Variants in WWTR1 observed in about 807,000 individuals in gnomAD.
WWTR1 encodes the protein WW domain containing transcription regulator 1, also known as WW domain-containing transcription regulator protein 1.
Under a neutral mutation model 40.1 loss-of-function variants are expected in WWTR1, and 13 were observed. The ratio of observed to expected loss-of-function variants is 0.32; its 90% CI spans 0.21 to 0.52. The LOEUF (loss-of-function observed/expected upper bound fraction) is 0.52, where lower values mean the gene tolerates loss of function less well. Ranked by LOEUF, WWTR1 falls within the 20% of genes least tolerant of loss-of-function variation. The probability of loss-of-function intolerance (pLI) is 0.97; values close to 1 mark genes in which losing one functional copy is unlikely to be tolerated. For missense variants in WWTR1, 436 were observed against 523.1 expected, an observed-to-expected ratio of 0.83 and a Z score of 1.63; for synonymous variants, 230 against 210.1, an observed-to-expected ratio of 1.09 and a Z score of -0.82.
At chr3:149,640,451 C>T (rs960710077) in intron 2 of WWTR1, among the ~76,000 whole-genome samples, 1 of 152,060 alleles carries the variant, frequency 6.6e-6, no homozygotes, top group Non-Finnish European at 1.5e-5. Context: ...AACAGAGTTT[C>T]GCTCTGCCCC....
intron 2 of WWTR1, among the ~76,000 whole-genome samples, chr3:149,647,791 A>T (rs917206271): frequency 6.6e-6 from 1 of 152,230 alleles, no homozygotes; most frequent in Non-Finnish European, 1.5e-5. Flanking sequence ...CATAGGTGAC[A>T]ATGGTGGGGT....
intron 5 of WWTR1, among the ~76,000 whole-genome samples, chr3:149,710,579 C>A (rs796540823): frequency 5.8e-5 from 5 of 86,580 alleles, no homozygotes; most frequent in Admixed American, 1.1e-4. Flanking sequence ...CTCCCCCCCC[C>A]CCCTTTTTTT....
intron 1 of WWTR1, among the ~76,000 whole-genome samples, chr3:149,689,410 G>GA (rs1714750891): frequency 2.4e-5 from 2 of 83,082 alleles, no homozygotes; most frequent in African/African-American, 4.0e-5. Flanking sequence ...AAGCAAAGAA[G>GA]ACAGAAAAAA....
At chr3:149,620,501 C>T (rs191730612) in intron 2 of WWTR1, among the ~76,000 whole-genome samples, 1 of 151,946 alleles carries the variant, frequency 6.6e-6, no homozygotes, top group Non-Finnish European at 1.5e-5. Flanking sequence ...GTTCCAAGTG[C>T]CTTAAGGAAG....
chr3:149,642,822 A>C (rs145586838), intron 2 of WWTR1, among the ~76,000 whole-genome samples: 253 of 152,230 alleles, frequency 1.7e-3, no homozygotes, highest in African/African-American at 5.8e-3. Flanking sequence ...TTGCATATGC[A>C]TAGGGTTATA....
chr3:149,581,925 G>T (rs985935071), intron 2 of WWTR1, among the ~76,000 whole-genome samples: 2 of 152,172 alleles, frequency 1.3e-5, no homozygotes, highest in African/African-American at 2.4e-5. Context: ...GTCAAGCAAA[G>T]CTGCTGTCAG....
At chr3:149,570,763 T>C (rs1737580248) in intron 3 of WWTR1, among the ~76,000 whole-genome samples, 1 of 152,188 alleles carries the variant, frequency 6.6e-6, no homozygotes, top group Non-Finnish European at 1.5e-5. Flanking sequence ...TGTATGCACA[T>C]ACAGGCAGAC....
chr3:149,614,552 C>A (rs1739878593), intron 2 of WWTR1, among the ~76,000 whole-genome samples: 1 of 152,196 alleles, frequency 6.6e-6, no homozygotes, highest in African/African-American at 2.4e-5. Context: ...GGCAATAGCA[C>A]TGATGAATAA....
chr3:149,525,944 T>C (rs1303837549), intron 6 of WWTR1, 69 bp downstream of exon 6: 21 of 869,342 alleles, frequency 2.4e-5, no homozygotes, highest in Non-Finnish European at 3.0e-5. Context: ...AAAAATAAAA[T>C]TGAGATAACC....
chr3:149,609,933 A>C (rs904363730), intron 2 of WWTR1, among the ~76,000 whole-genome samples: 3 of 152,238 alleles, frequency 2.0e-5, no homozygotes, highest in African/African-American at 7.2e-5. Context: ...AGTGAAATTA[A>C]AAGCAATTCT....
At chr3:149,540,090 A>G in intron 4 of WWTR1, 1 of 325,990 alleles carries the variant, frequency 3.1e-6, no homozygotes, top group Non-Finnish European at 6.0e-6. Context: ...ACACACACAC[A>G]CACACACACA....
At chr3:149,530,512 T>C (rs539255479) in intron 4 of WWTR1, among the ~76,000 whole-genome samples, 27 of 151,802 alleles carry the variant, frequency 1.8e-4, no homozygotes, top group African/African-American at 6.5e-4. Flanking sequence ...AGAACAAATA[T>C]CAAAAATTAG....
intron 2 of WWTR1, among the ~76,000 whole-genome samples, chr3:149,636,883 G>A (rs950062453): frequency 7.3e-6 from 1 of 137,088 alleles, no homozygotes. Context: ...AGAATCACTT[G>A]AACCCAGGGG....
At chr3:149,564,288 T>C (rs577076121) in intron 3 of WWTR1, among the ~76,000 whole-genome samples, 2 of 152,264 alleles carry the variant, frequency 1.3e-5, no homozygotes, top group South Asian at 2.1e-4. Context: ...TAGTGGTAGA[T>C]CTGGACCACG....
At chr3:149,601,712 T>TA (rs921470020) in intron 2 of WWTR1, among the ~76,000 whole-genome samples, 9 of 12,616 alleles carry the variant, frequency 7.1e-4, no homozygotes, top group South Asian at 7.4e-3. Flanking sequence ...AAAAAATTAT[T>TA]TTTTTTTTTT....
intron 6 of WWTR1, among the ~76,000 whole-genome samples, chr3:149,521,428 TG>T (rs1443836849): frequency 2.0e-5 from 3 of 152,228 alleles, no homozygotes; most frequent in Non-Finnish European, 2.9e-5. Flanking sequence ...ATTAAAAAGT[TG>T]TCTTCATTGA....
intron 4 of WWTR1, among the ~76,000 whole-genome samples, chr3:149,721,296 G>A (rs1364605744): frequency 6.6e-6 from 1 of 152,134 alleles, no homozygotes; most frequent in Non-Finnish European, 1.5e-5. Flanking sequence ...AGTTTACTGA[G>A]CATTTTTACC....
At chr3:149,521,797 T>C (rs1488652552) in intron 6 of WWTR1, among the ~76,000 whole-genome samples, 1 of 152,172 alleles carries the variant, frequency 6.6e-6, no homozygotes, top group African/African-American at 2.4e-5. Context: ...CTACTGACTT[T>C]GGTGTCATTA....
chr3:149,567,583 G>T (rs1335714663), intron 3 of WWTR1, among the ~76,000 whole-genome samples: 3 of 152,222 alleles, frequency 2.0e-5, no homozygotes, highest in African/African-American at 7.2e-5. Flanking sequence ...CTTTCTAACA[G>T]AGCATATCAA....
Sources: gnomAD v4.1 joint callset for allele counts (sites outside exome capture counted in the v4.1 genomes callset) on GRCh38, gnomAD v4.1.1 for gene constraint, MANE v1.5 for transcripts, NCBI Gene and HGNC (gene_info 2026-07-23, HGNC 2026-07-21) for gene names.